RANBP3L: variants seen among roughly 807,000 people sequenced by gnomAD.
The protein encoded by RANBP3L is ran-binding protein 3-like.
Under a neutral mutation model 67.2 loss-of-function variants are expected in RANBP3L, and 56 were observed. The observed-to-expected ratio is 0.83, with a 90% CI of 0.67 to 1.04. RANBP3L has a LOEUF of 1.04. RANBP3L is among the 50% of genes least tolerant of loss of function. The pLI is 0.00. For missense variants in RANBP3L, 496 were observed against 535.5 expected (o/e 0.93, Z 0.73); for synonymous variants, 164 against 181.4 (o/e 0.90, Z 0.77).
rs906755386 is a variant in RANBP3L, at chr5:36,248,074, C to T, written c.*1580G>A. 1.3e-5 allele frequency among the ~76,000 whole-genome samples: 2 copies of T among 152,118 alleles called. No individual in the cohort carries two copies. Among genetic ancestry groups the T allele is most frequent in the African/African-American group, 2.4e-5 (1 of 41,412 alleles). ...TGAAAATTTTCTGCTGAGTGTGTTCCGCATCAGAGTCACTCTTCTTGATTT... is the reference window on the plus strand; with the variant it reads ...TGAAAATTTTCTGCTGAGTGTGTTCTGCATCAGAGTCACTCTTCTTGATTT... On this transcript the variant is annotated 3_prime_UTR_variant, in exon 14 of 14. Coordinates refer to ENST00000296604, the MANE Select transcript of RANBP3L (RefSeq NM_145000.5).
chr5:36,284,512 C>T (rs2112041754), intron 1 of RANBP3L, among the ~76,000 whole-genome samples: 1 of 152,258 alleles, frequency 6.6e-6, no homozygotes, highest in East Asian at 1.9e-4. Flanking sequence ...GAAATAAAGT[C>T]CTAGTTTAAA....
chr5:36,250,493 T>C (rs1263846001), intron 13 of RANBP3L, among the ~76,000 whole-genome samples: 1 of 152,038 alleles, frequency 6.6e-6, no homozygotes, highest in Non-Finnish European at 1.5e-5. Context: ...TTACATATGA[T>C]TAAAGCAGCT....
intron 11 of RANBP3L, among the ~76,000 whole-genome samples, chr5:36,254,072 C>T (rs1316956322): frequency 6.6e-6 from 1 of 151,748 alleles, no homozygotes; most frequent in Non-Finnish European, 1.5e-5. Flanking sequence ...AATATTTGTC[C>T]ACGAATTGTC....
Position 36,293,076 on chromosome 5 carries a change from T to C in RANBP3L, c.91+8250A>G, listed in dbSNP as rs9800407. ...TTTGTTTGTATCCTCTTTTATTTCCTTGAGCAGTGGTTTGTAGTTCTCCTT... is the reference window on the plus strand; with the variant it reads ...TTTGTTTGTATCCTCTTTTATTTCCCTGAGCAGTGGTTTGTAGTTCTCCTT... On this transcript the variant is annotated intron_variant, in intron 1 of 13. Coordinates refer to ENST00000296604, the MANE Select transcript of RANBP3L (RefSeq NM_145000.5). Among the ~76,000 whole-genome samples, 1,656 of 116,554 alleles carry C rather than the reference T, an allele frequency of 0.014. 149 individuals are homozygous for C. The East Asian group carries it at 0.23, about 16-fold the overall frequency. The allele number at this position is 116,554 out of a possible 152,430, so 76.5% of individuals were successfully genotyped here.
intron 10 of RANBP3L, chr5:36,256,678 A>G: frequency 2.4e-6 from 1 of 409,436 alleles, no homozygotes; most frequent in Admixed American, 4.3e-5. Flanking sequence ...TTAAAGCAGG[A>G]TACTTGGCTG....
chr5:36,301,379 G>C lies in RANBP3L; in HGVS notation c.38C>G (p.Pro13Arg). 1 of 1,613,784 alleles carries C rather than the reference G, an allele frequency of 6.2e-7. No individual in the cohort carries two copies. The highest frequency in any genetic ancestry group is 8.5e-7 in the Non-Finnish European group (1 of 1,179,800). The change falls in exon 1 of 14, where the codon CCT (proline) becomes CGT (arginine). Residue 13 changes from proline (P) to arginine (R), a missense_variant. Pro to Arg is a moderately radical substitution (Grantham distance 103, BLOSUM62 -2). Transcript: ENST00000296604. ...CAGTTTACAGGTGTGCAAACTGCCA[G>C]GCAGGTGGCTGCTGCCTTTTCTTGG... ...TIPRKGSSHLPGSLHTCKLKL... is the reference protein window; with the variant it reads ...TIPRKGSSHLRGSLHTCKLKL...
chr5:36,271,882 A>G (rs1750240383), intron 1 of RANBP3L, among the ~76,000 whole-genome samples: 1 of 152,198 alleles, frequency 6.6e-6, no homozygotes, highest in African/African-American at 2.4e-5. Flanking sequence ...TGCCAGCCTT[A>G]TTAATATTTT....
chr5:36,268,725 T>C (rs7735056), intron 4 of RANBP3L, among the ~76,000 whole-genome samples: 8,853 of 152,028 alleles, frequency 0.058, 847 homozygotes, highest in African/African-American at 0.2. Flanking sequence ...TTTTTTTTTT[T>C]TTCTTAGGAG....
rs569667094 is a variant in RANBP3L at position 36,301,758 on chromosome 5, A to G, written c.-342T>C. 92 of 184,534 alleles carry G rather than the reference A, an allele frequency of 5.0e-4. No individual in the cohort carries two copies. The highest frequency in any genetic ancestry group is 9.3e-4 in the Non-Finnish European group (82 of 88,414). The allele number at this position is 184,534 out of a possible 1,614,324, so 11.4% of individuals were successfully genotyped here. A position where few individuals can be genotyped will look rare whatever the true frequency, so the allele number is the denominator to read the frequency against. On this transcript the variant is annotated 5_prime_UTR_variant, in exon 1 of 14. An upstream start codon of the reference 5' UTR is lost. Coordinates refer to ENST00000296604, the MANE Select transcript of RANBP3L (RefSeq NM_145000.5). ...ATTTCTAACAGATTACACTTTTGTC[A>G]TTTTTAAATTCCTTTTGGCGACATG...
chr5:36,254,356 G>A (rs1013350902), intron 11 of RANBP3L, among the ~76,000 whole-genome samples: 4 of 152,002 alleles, frequency 2.6e-5, no homozygotes, highest in Non-Finnish European at 4.4e-5. Flanking sequence ...GTTAATAGAT[G>A]TTATCTCAGG....
At chr5:36,273,789 T>C (rs560492430) in intron 1 of RANBP3L, among the ~76,000 whole-genome samples, 2 of 152,338 alleles carry the variant, frequency 1.3e-5, no homozygotes, top group South Asian at 2.1e-4. Context: ...TCAACAAATA[T>C]GTATTGAGAA....
At chr5:36,253,886 G>T in intron 11 of RANBP3L, 97 bp from the exon 12 acceptor site, 1 of 1,206,564 alleles carries the variant, frequency 8.3e-7, no homozygotes, top group South Asian at 1.6e-5. Context: ...TTGTTTTTCA[G>T]ACTGTAGATT....
chr5:36,254,398 T>A lies in RANBP3L; in HGVS notation c.1025-609A>T, dbSNP rs184987273. Among the ~76,000 whole-genome samples the A allele has an allele frequency of 2.6e-3, 389 of 152,168 alleles. 3 individuals carry two copies. Among genetic ancestry groups the A allele is most frequent in the South Asian group, 0.013 (62 of 4,820 alleles). On this transcript the variant is annotated intron_variant, in intron 11 of 13. Coordinates refer to ENST00000296604, the MANE Select transcript of RANBP3L (RefSeq NM_145000.5). ...GGCCTTTAAGTGACTTTAAAAAAAA[T>A]TTTTTCAATCCATGCTTTCTGTTTT...
At chr5:36,269,290 C>T in intron 4 of RANBP3L, 100 bp downstream of exon 4, 1 of 732,996 alleles carries the variant, frequency 1.4e-6, no homozygotes, top group Admixed American at 2.2e-5. Context: ...CACTATTCAG[C>T]TGGCAAGCTT....
At chr5:36,290,898 A>ATTTT (rs758051439) in intron 1 of RANBP3L, among the ~76,000 whole-genome samples, 3 of 120,882 alleles carry the variant, frequency 2.5e-5, no homozygotes, top group African/African-American at 9.8e-5. Flanking sequence ...TGCCTGGCTA[A>ATTTT]TTTTTTTTTT....
chr5:36,277,068 C>A (rs1218889033), intron 1 of RANBP3L, among the ~76,000 whole-genome samples: 1 of 152,242 alleles, frequency 6.6e-6, no homozygotes, highest in Non-Finnish European at 1.5e-5. Context: ...CAAACCCCTG[C>A]AGAGGGGCAG....
chr5:36,279,700 T>G (rs747158383), intron 1 of RANBP3L, among the ~76,000 whole-genome samples: 17 of 152,114 alleles, frequency 1.1e-4, no homozygotes, highest in Non-Finnish European at 2.1e-4. Context: ...AGTAAAAGGG[T>G]AGGAACACTT....
At position 36,256,926 on chromosome 5, in the gene RANBP3L, A is replaced by T; in HGVS notation, c.903+15T>A. ...TGTAAATGCTACCAGAAAGAGTAAA[A>T]CATGATATACAGACCTTTAACACAT... On this transcript the variant is annotated intron_variant, in intron 10 of 13. Transcript: ENST00000296604. 4 of 1,605,262 alleles carry T rather than the reference A, an allele frequency of 2.5e-6. No individual in the cohort carries two copies. The highest frequency in any genetic ancestry group is 3.4e-6 in the Non-Finnish European group (4 of 1,175,374).
At chr5:36,298,477 C>A (rs1036519201) in intron 1 of RANBP3L, among the ~76,000 whole-genome samples, 1 of 152,168 alleles carries the variant, frequency 6.6e-6, no homozygotes, top group Non-Finnish European at 1.5e-5. Flanking sequence ...TAAAGCCAGA[C>A]CTCACTCTCT....
Sources: allele counts gnomAD v4.1 joint callset (sites outside exome capture counted in the v4.1 genomes callset), GRCh38; gene constraint gnomAD v4.1.1; transcripts MANE v1.5; gene names NCBI Gene and HGNC (gene_info 2026-07-23, HGNC 2026-07-21).